The following GALNT17 variants were observed in gnomAD, a reference collection of about 807,000 sequenced individuals.
GALNT17 encodes UDP-GalNAc:polypeptide N-acetylgalactosaminyltransferase-like 3.
Under a neutral mutation model 63.7 loss-of-function variants are expected in GALNT17, and 29 were observed. The ratio of observed to expected loss-of-function variants is 0.46; its 90% CI spans 0.34 to 0.62. The LOEUF (loss-of-function observed/expected upper bound fraction) is 0.62. Ranked by LOEUF, GALNT17 falls within the 20% of genes least tolerant of loss-of-function variation. The probability of loss-of-function intolerance (pLI) is 0.01; values close to 1 mark genes in which losing one functional copy is unlikely to be tolerated. For missense variants in GALNT17, 603 were observed against 799.6 expected, an observed-to-expected ratio of 0.75 and a Z score of 2.97; for synonymous variants, 305 against 318.3, an observed-to-expected ratio of 0.96 and a Z score of 0.45.
At chr7:71,457,724 T>C (rs145071490) in intron 5 of GALNT17, among the ~76,000 whole-genome samples, 94 of 152,318 alleles carry the variant, frequency 6.2e-4, no homozygotes, top group African/African-American at 2.2e-3. Context: ...ATCTTGGTTT[T>C]GGTGGGTTTT....
chr7:71,609,023 C>T (rs1319575801), intron 6 of GALNT17, among the ~76,000 whole-genome samples: 1 of 151,574 alleles, frequency 6.6e-6, no homozygotes, highest in Non-Finnish European at 1.5e-5. Flanking sequence ...TCAAGTGATC[C>T]TCCCATTACA....
At chr7:71,229,702 T>C (rs920114789) in intron 1 of GALNT17, among the ~76,000 whole-genome samples, 7 of 152,132 alleles carry the variant, frequency 4.6e-5, no homozygotes, top group African/African-American at 1.7e-4. Flanking sequence ...GGTGCCTAAC[T>C]CAACCCAGCA....
At chr7:71,549,060 G>C (rs973110636) in intron 5 of GALNT17, among the ~76,000 whole-genome samples, 7 of 152,242 alleles carry the variant, frequency 4.6e-5, no homozygotes, top group Middle Eastern at 6.8e-3. Context: ...TACTGTGGTG[G>C]CCTCTGTGTA....
intron 1 of GALNT17, among the ~76,000 whole-genome samples, chr7:71,167,023 C>T (rs6959316): frequency 0.19 from 28,841 of 149,956 alleles, 3,223 homozygotes; most frequent in African/African-American, 0.31. Context: ...TACAGTTACA[C>T]ACAACCATGC....
chr7:71,382,601 G>A (rs1175133499), intron 2 of GALNT17, among the ~76,000 whole-genome samples: 1 of 152,142 alleles, frequency 6.6e-6, no homozygotes, highest in Non-Finnish European at 1.5e-5. Context: ...CCGAAACGAG[G>A]TGGTCCTCCT....
chr7:71,691,327 T>A lies in GALNT17; in HGVS notation c.1500+14021T>A, dbSNP rs59550000. 4.1e-3 allele frequency among the ~76,000 whole-genome samples: 631 copies of A among 152,344 alleles called. 20 individuals carry two copies. Among genetic ancestry groups the A allele is most frequent in the Admixed American group, 0.029 (449 of 15,294 alleles). Reference sequence around the variant, plus strand: ...TATTTTTAAATTAAGCTATGCACATTTTTAAAAGGCATGCTATTGCACACT... The same window carrying A: ...TATTTTTAAATTAAGCTATGCACATATTTAAAAGGCATGCTATTGCACACT... On this transcript the variant is annotated intron_variant, in intron 9 of 10. Coordinates refer to ENST00000333538, the MANE Select transcript of GALNT17 (RefSeq NM_022479.3).
intron 2 of GALNT17, among the ~76,000 whole-genome samples, chr7:71,356,013 G>A (rs1792278066): frequency 6.7e-6 from 1 of 150,036 alleles, no homozygotes. Context: ...GTCTTGCTCT[G>A]GTCACCCAGG....
intron 1 of GALNT17, among the ~76,000 whole-genome samples, chr7:71,179,621 C>G (rs550115635): frequency 6.6e-6 from 1 of 151,670 alleles, no homozygotes; most frequent in East Asian, 1.9e-4. Flanking sequence ...CTTGGTGAGC[C>G]AAGGATTTGC....
chr7:71,223,277 A>T (rs1341929544), intron 1 of GALNT17, among the ~76,000 whole-genome samples: 1 of 152,070 alleles, frequency 6.6e-6, no homozygotes, highest in Non-Finnish European at 1.5e-5. Context: ...TAGCTCTCTC[A>T]TTCCTCCCAC....
chr7:71,450,191 A>C (rs1338811129), intron 5 of GALNT17, among the ~76,000 whole-genome samples: 1 of 144,608 alleles, frequency 6.9e-6, no homozygotes, highest in African/African-American at 2.6e-5. Flanking sequence ...GATGGAGTGC[A>C]GTCGCGCGAT....
At chr7:71,194,479 A>T (rs1418572962) in intron 1 of GALNT17, among the ~76,000 whole-genome samples, 1 of 152,148 alleles carries the variant, frequency 6.6e-6, no homozygotes, top group African/African-American at 2.4e-5. Flanking sequence ...ACAGTATTGG[A>T]ACTGGAGGAG....
At chr7:71,222,310 A>G (rs888263914) in intron 1 of GALNT17, among the ~76,000 whole-genome samples, 6 of 151,912 alleles carry the variant, frequency 3.9e-5, no homozygotes, top group African/African-American at 1.5e-4. Flanking sequence ...TTCCTTAGTC[A>G]CTTCTAATCT....
chr7:71,601,059 A>G (rs1789959895), intron 6 of GALNT17, among the ~76,000 whole-genome samples: 1 of 151,884 alleles, frequency 6.6e-6, no homozygotes, highest in African/African-American at 2.4e-5. Context: ...ATTGTCTCCA[A>G]TCTCATCCAG....
chr7:71,296,893 C>T (rs1434513217), intron 1 of GALNT17, among the ~76,000 whole-genome samples: 3 of 152,140 alleles, frequency 2.0e-5, no homozygotes, highest in African/African-American at 7.2e-5. Flanking sequence ...TGATCTTGGC[C>T]TCCATCATGG....
chr7:71,359,431 G>A (rs1204762470), intron 2 of GALNT17, among the ~76,000 whole-genome samples: 1 of 152,088 alleles, frequency 6.6e-6, no homozygotes, highest in East Asian at 1.9e-4. Flanking sequence ...ACAGAGTAGA[G>A]AACCCACTAC....
At chr7:71,647,613 C>G (rs1790698349) in intron 6 of GALNT17, among the ~76,000 whole-genome samples, 1 of 152,248 alleles carries the variant, frequency 6.6e-6, no homozygotes, top group Non-Finnish European at 1.5e-5. Context: ...CTGCAAGCCT[C>G]TTACCTCTAC....
At chr7:71,240,647 C>T (rs375784650) in intron 1 of GALNT17, among the ~76,000 whole-genome samples, 14 of 151,790 alleles carry the variant, frequency 9.2e-5, no homozygotes, top group South Asian at 4.2e-4. Context: ...ATGGCGTATA[C>T]GTACCATATT....
chr7:71,415,044 C>T (rs969747011), intron 3 of GALNT17, among the ~76,000 whole-genome samples: 8 of 151,934 alleles, frequency 5.3e-5, no homozygotes, highest in African/African-American at 1.9e-4. Context: ...AGGTCTTTCT[C>T]TGTTGCCCAG....
intron 5 of GALNT17, among the ~76,000 whole-genome samples, chr7:71,439,656 A>G (rs1470040659): frequency 3.3e-5 from 5 of 152,220 alleles, no homozygotes; most frequent in Admixed American, 6.5e-5. Flanking sequence ...CAAGGAGCAG[A>G]CACATTTTAT....
Sources: allele counts gnomAD v4.1 joint callset (sites outside exome capture counted in the v4.1 genomes callset), GRCh38; gene constraint gnomAD v4.1.1; transcripts MANE v1.5; gene names NCBI Gene and HGNC (gene_info 2026-07-23, HGNC 2026-07-21).